Variants in MYO16 observed in about 807,000 individuals in gnomAD.
MYO16 encodes the protein myosin XVI.
MYO16 carries 94 observed loss-of-function variants against 205.3 expected under a neutral mutation model. That is an observed-to-expected ratio of 0.46 (90% CI 0.39 to 0.54). The LOEUF is 0.54. Among genes scored for constraint, MYO16 ranks in the 20% least tolerant of loss-of-function variants. The pLI, the probability that MYO16 is intolerant of heterozygous loss-of-function variation, is 0.00. For synonymous variants in MYO16, 988 were observed against 954.0 expected, an observed-to-expected ratio of 1.04 and a Z score of -0.66; for missense variants, 2,315 against 2,387.5, an observed-to-expected ratio of 0.97 and a Z score of 0.63.
At chr13:108,647,344 A>C (rs2139392735) in intron 1 of MYO16, among the ~76,000 whole-genome samples, 1 of 152,258 alleles carries the variant, frequency 6.6e-6, no homozygotes, top group East Asian at 1.9e-4. Context: ...GCTGCTCTAG[A>C]AGCCTCCAGA....
At chr13:109,035,528 AC>A (rs1886689331) in intron 23 of MYO16, among the ~76,000 whole-genome samples, 1 of 152,110 alleles carries the variant, frequency 6.6e-6, no homozygotes, top group African/African-American at 2.4e-5. Flanking sequence ...TACTAAAAAT[AC>A]AAAAATTAGC....
intron 21 of MYO16, among the ~76,000 whole-genome samples, chr13:109,008,046 T>C (rs1467956573): frequency 2.6e-5 from 4 of 152,206 alleles, no homozygotes; most frequent in Admixed American, 6.5e-5. Flanking sequence ...TCAACGTTTG[T>C]AATATTGGAA....
chr13:108,870,268 C>T (rs930995945), intron 12 of MYO16, among the ~76,000 whole-genome samples: 1 of 151,528 alleles, frequency 6.6e-6, no homozygotes, highest in South Asian at 2.1e-4. Context: ...ATGTTTTATC[C>T]TTTTCTTTAT....
At chr13:108,810,279 G>A (rs912079985) in intron 7 of MYO16, among the ~76,000 whole-genome samples, 6 of 152,150 alleles carry the variant, frequency 3.9e-5, no homozygotes, top group African/African-American at 7.2e-5. Flanking sequence ...TGGAATGCAC[G>A]CTTCAGAATG....
intron 33 of MYO16, among the ~76,000 whole-genome samples, chr13:109,171,482 A>G (rs1329983742): frequency 6.6e-6 from 1 of 152,250 alleles, no homozygotes; most frequent in Non-Finnish European, 1.5e-5. Context: ...TGCTTCCCAG[A>G]AATAATTATC....
chr13:108,996,672 T>C (rs1350199639), intron 21 of MYO16, among the ~76,000 whole-genome samples: 3 of 152,160 alleles, frequency 2.0e-5, no homozygotes, highest in Non-Finnish European at 4.4e-5. Flanking sequence ...TTACTGATGA[T>C]TGTTGAAGTC....
chr13:108,648,024 G>T (rs1880829986), intron 1 of MYO16, among the ~76,000 whole-genome samples: 1 of 152,140 alleles, frequency 6.6e-6, no homozygotes, highest in South Asian at 2.1e-4. Context: ...TGAAGTTTAT[G>T]GTCTATAGGG....
the MYO16 span, among the ~76,000 whole-genome samples, chr13:108,504,098 G>T: frequency 6.6e-6 from 1 of 152,012 alleles, no homozygotes; most frequent in Non-Finnish European, 1.5e-5. Flanking sequence ...TTGAGCTACA[G>T]ATCTCTAGAT....
chr13:108,927,993 A>G (rs1371662556), intron 16 of MYO16, among the ~76,000 whole-genome samples: 2 of 152,264 alleles, frequency 1.3e-5, no homozygotes, highest in Non-Finnish European at 2.9e-5. Context: ...CTCTGCCTGA[A>G]GCACTAGGGT....
intron 2 of MYO16, among the ~76,000 whole-genome samples, chr13:108,688,474 C>A (rs1882767312): frequency 6.6e-6 from 1 of 152,028 alleles, no homozygotes. Context: ...TAAAATTTCA[C>A]CCGCTATTAT....
chr13:109,132,704 A>G (rs1594112286), intron 31 of MYO16, among the ~76,000 whole-genome samples: 1 of 152,366 alleles, frequency 6.6e-6, no homozygotes, highest in Non-Finnish European at 1.5e-5. Context: ...TTAAATGGAC[A>G]GAAATTAGGT....
intron 16 of MYO16, among the ~76,000 whole-genome samples, chr13:108,952,109 CTCAATAAA>C (rs1883175348): frequency 8.7e-6 from 1 of 115,056 alleles, no homozygotes; most frequent in Admixed American, 1.1e-4. Flanking sequence ...GAGACTCCAT[CTCAATAAA>C]TAAATAAATA....
chr13:108,749,397 C>T (rs969301776), intron 4 of MYO16, among the ~76,000 whole-genome samples: 1 of 152,118 alleles, frequency 6.6e-6, no homozygotes, highest in African/African-American at 2.4e-5. Flanking sequence ...CTGAAATATA[C>T]AAAGAACTCG....
At chr13:108,607,805 A>G (rs1879016517) in intron 1 of MYO16, among the ~76,000 whole-genome samples, 1 of 152,128 alleles carries the variant, frequency 6.6e-6, no homozygotes, top group Non-Finnish European at 1.5e-5. Context: ...CTCCAAAGCC[A>G]GCCAATAACA....
intron 34 of MYO16, among the ~76,000 whole-genome samples, chr13:109,193,621 A>G (rs1880020730): frequency 6.6e-6 from 1 of 152,228 alleles, no homozygotes; most frequent in Non-Finnish European, 1.5e-5. Context: ...CCTGCAAAAC[A>G]ATGTAAATTA....
intron 20 of MYO16, among the ~76,000 whole-genome samples, chr13:108,983,578 A>G (rs1462110054): frequency 6.6e-6 from 1 of 152,322 alleles, no homozygotes; most frequent in East Asian, 1.9e-4. Context: ...AAAAATATTT[A>G]GGAACATTGG....
At chr13:108,541,144 G>A in the MYO16 span, among the ~76,000 whole-genome samples, 1 of 151,818 alleles carries the variant, frequency 6.6e-6, no homozygotes, top group Non-Finnish European at 1.5e-5. Context: ...CAGTAGCCCT[G>A]GATGACCCCT....
intron 13 of MYO16, among the ~76,000 whole-genome samples, chr13:108,885,669 A>G (rs1170915423): frequency 6.6e-6 from 1 of 152,178 alleles, no homozygotes; most frequent in Non-Finnish European, 1.5e-5. Flanking sequence ...CCTTGACTAG[A>G]TTATTTCTAT....
intron 27 of MYO16, among the ~76,000 whole-genome samples, chr13:109,085,122 G>C (rs148937851): frequency 6.6e-6 from 1 of 152,152 alleles, no homozygotes; most frequent in African/African-American, 2.4e-5. Flanking sequence ...CCAGGGAGAC[G>C]TTGAACTAGG....
Sources: allele counts gnomAD v4.1 joint callset (sites outside exome capture counted in the v4.1 genomes callset), GRCh38; gene constraint gnomAD v4.1.1; transcripts MANE v1.5; gene names NCBI Gene and HGNC (gene_info 2026-07-23, HGNC 2026-07-21).